Variants in EIF3B observed in about 807,000 individuals in gnomAD.
EIF3B encodes eukaryotic translation initiation factor 3 subunit 9.
Under a neutral mutation model 104.6 loss-of-function variants are expected in EIF3B, and 10 were observed. The ratio of observed to expected loss-of-function variants is 0.10; its 90% CI spans 0.06 to 0.16. The LOEUF is 0.16. Among genes scored for constraint, EIF3B ranks in the 10% least tolerant of loss-of-function variants. EIF3B has a pLI of 1.00. For missense variants in EIF3B, 1,014 were observed against 1,087.9 expected (o/e 0.93, Z 0.96); for synonymous variants, 542 against 417.2 (o/e 1.30, Z -3.65).
In EIF3B at chr7:2,359,146, A is replaced by ACTTTTGTGATAT. The variant is rs1779608497; in HGVS notation, c.500-1564_500-1563insCTTTTGTGATAT. Among the ~76,000 whole-genome samples the ACTTTTGTGATAT allele has an allele frequency of 2.0e-5, 3 of 152,324 alleles. No homozygotes were observed. In the South Asian group the frequency reaches 6.2e-4, roughly 32 times the overall value. On this transcript the variant is annotated intron_variant, in intron 1 of 18. Coordinates refer to ENST00000360876, the MANE Select transcript of EIF3B (RefSeq NM_001037283.2). ...TCTCTGCCCTGATAGTGTTTTTCAA[A>ACTTTTGTGATAT]AAGGCTCTTTGTGATATAATTAAGA... is the stretch of plus-strand genomic sequence containing the variant.
intron 1 of EIF3B, among the ~76,000 whole-genome samples, chr7:2,357,235 T>G (rs1472304248): frequency 6.6e-6 from 1 of 152,126 alleles, no homozygotes; most frequent in Non-Finnish European, 1.5e-5. Flanking sequence ...GACGACAGGG[T>G]TGGCCAGGCT....
chr7:2,358,366 G>A (rs1374887834), intron 1 of EIF3B, among the ~76,000 whole-genome samples: 1 of 152,100 alleles, frequency 6.6e-6, no homozygotes, highest in African/African-American at 2.4e-5. Context: ...TTACAGGCGT[G>A]AGCCACCATG....
At position 2,362,738 on chromosome 7, in the gene EIF3B, G is replaced by T; in HGVS notation, c.786G>T (p.Arg262=). The change falls in exon 3 of 19, where the codon CGG becomes CGT. Residue 262 remains arginine (R), a synonymous_variant. Coordinates refer to ENST00000360876, the MANE Select transcript of EIF3B (RefSeq NM_001037283.2). ...AGCTTGACAAGCAGCACACATTCCG[G>T]GTCAACCTCTTTACGGATTTTGACA... ...GYKLDKQHTF[R]VNLFTDFDKY... is the part of the protein sequence containing the mutation. 1 of 1,614,156 alleles carries T rather than the reference G, an allele frequency of 6.2e-7. No individual in the cohort carries two copies. Among genetic ancestry groups the T allele is most frequent in the Non-Finnish European group, 8.5e-7 (1 of 1,180,036 alleles).
At position 2,380,571 on chromosome 7, in the gene EIF3B, C is replaced by T; in HGVS notation, c.*382C>T. 1 of 363,550 alleles carries T rather than the reference C, an allele frequency of 2.8e-6. No homozygotes were observed. The highest frequency in any genetic ancestry group is 5.5e-6 in the Non-Finnish European group (1 of 183,102). The allele number at this position is 363,550 out of a possible 1,614,324, so 22.5% of individuals were successfully genotyped here. ...CAGTGATGTTTCCACGGTGCCTGTA[C>T]ACAGCCGAGCAGCATTTCCGTTGAA... On this transcript the variant is annotated 3_prime_UTR_variant, in exon 19 of 19. Transcript: ENST00000360876.
intron 1 of EIF3B, among the ~76,000 whole-genome samples, chr7:2,357,835 T>G (rs528493435): frequency 6.6e-6 from 1 of 152,154 alleles, no homozygotes; most frequent in South Asian, 2.1e-4. Context: ...GCTTTGAGCT[T>G]GTGGGAAGGA....
intron 16 of EIF3B, 71 bp from the exon 17 acceptor site, chr7:2,379,063 G>T (rs1780850776): frequency 7.5e-7 from 1 of 1,338,220 alleles, no homozygotes; most frequent in South Asian, 1.2e-5. Context: ...CCGTCCGCCT[G>T]GGTGTGGGCT....
rs1780026536 is a variant in EIF3B, at chr7:2,366,337, C to G, written c.1178C>G (p.Pro393Arg). ...PCERYLVTFS[P>R]LMDTQDDPQA... is the part of the protein sequence containing the mutation. ...TCTAGGTACCTGGTGACCTTTAGCC[C>G]CCTGATGGACACGCAGGATGACCCT... The change falls in exon 7 of 19, where the codon CCC becomes CGC. Residue 393 changes from proline to arginine, a missense_variant. This residue lies in a region of EIF3B where 201 missense variants were observed against 240.7 expected (regional missense o/e 0.83). Transcript: ENST00000360876. The G allele has an allele frequency of 6.2e-7, 1 of 1,611,246 alleles. No homozygotes were observed. Among genetic ancestry groups the G allele is most frequent in the Non-Finnish European group, 8.5e-7 (1 of 1,178,790 alleles).
At chr7:2,357,855 TTG>T (rs1174312289) in intron 1 of EIF3B, among the ~76,000 whole-genome samples, 1 of 152,110 alleles carries the variant, frequency 6.6e-6, no homozygotes, top group Non-Finnish European at 1.5e-5. Context: ...AGTACCCAAT[TTG>T]TGTAAAAGTT....
chr7:2,372,337 C>A, intron 11 of EIF3B: 1 of 264,074 alleles, frequency 3.8e-6, no homozygotes, highest in Non-Finnish European at 7.2e-6. Flanking sequence ...GCAGGGAGAC[C>A]GGAGGTCAGG....
chr7:2,366,196 AGT>A, intron 6 of EIF3B, 119 bp from the exon 7 acceptor site: 1 of 1,026,958 alleles, frequency 9.7e-7, no homozygotes, highest in Non-Finnish European at 1.4e-6. Context: ...GGGGCCGGGC[AGT>A]GTGGGGTTTG....
At position 2,355,181 on chromosome 7, in the gene EIF3B, C is replaced by T. The variant is rs1478764674; in HGVS notation, c.260C>T (p.Pro87Leu). 1 of 1,467,250 alleles carries T rather than the reference C, an allele frequency of 6.8e-7. No individual in the cohort carries two copies. Among genetic ancestry groups the T allele is most frequent in the African/African-American group, 1.5e-5 (1 of 67,812 alleles). 90.9% of individuals were successfully genotyped at this position (1,467,250 alleles called of 1,614,324 possible). Residue 87 changes from proline to leucine, a missense_variant, in exon 1 of 19, where the codon CCG becomes CTG. Coordinates refer to ENST00000360876, the MANE Select transcript of EIF3B (RefSeq NM_001037283.2). The stretch of plus-strand genomic sequence containing the variant: ...GGCCCGTCCGAGTCGCCCTCGCCGC[C>T]GGCCGCCGAGGAGCTGCCCGGGTCG... The part of the protein sequence containing the change: ...ASGPSESPSP[P>L]AAEELPGSHA...
rs1425754466 is a variant in EIF3B at position 2,354,860 on chromosome 7, C to A, written c.-62C>A. Reference sequence around the variant, plus strand: ...GCTGTAGCCGTCGCGGCGCGCGGTGCGGCCTGGGAGAGTCGGAAGCGCGGC... The same window carrying A: ...GCTGTAGCCGTCGCGGCGCGCGGTGAGGCCTGGGAGAGTCGGAAGCGCGGC... On this transcript the variant is annotated 5_prime_UTR_variant, in exon 1 of 19. Coordinates refer to ENST00000360876, the MANE Select transcript of EIF3B (RefSeq NM_001037283.2). 4 of 1,082,592 alleles carry A rather than the reference C, an allele frequency of 3.7e-6. No homozygotes were observed. Among genetic ancestry groups the A allele is most frequent in the Middle Eastern group, 8.4e-4 (2 of 2,382 alleles). The allele number at this position is 1,082,592 out of a possible 1,614,324, so 67.1% of individuals were successfully genotyped here.
At position 2,379,126 on chromosome 7, in the gene EIF3B, A is replaced by G; in HGVS notation, c.2233-8A>G. The G allele has an allele frequency of 6.2e-7, 1 of 1,613,136 alleles. No individual in the cohort carries two copies. The highest frequency in any genetic ancestry group is 8.5e-7 in the Non-Finnish European group (1 of 1,179,482). Reference sequence around the variant, plus strand: ...CCAGTTCTGTGCTTTCCCCAACCTCATGCATAGGAATTGGTGGAGAGAAGG... The same window carrying G: ...CCAGTTCTGTGCTTTCCCCAACCTCGTGCATAGGAATTGGTGGAGAGAAGG... On this transcript the variant is annotated splice_region_variant and splice_polypyrimidine_tract_variant and intron_variant, in intron 16 of 18. Transcript: ENST00000360876.
intron 15 of EIF3B, chr7:2,378,010 G>T (rs866029483): frequency 3.8e-3 from 118 of 31,354 alleles, no homozygotes; most frequent in Admixed American, 7.3e-3. Context: ...CTCCTGGGAT[G>T]CTGTGTTCTG....
rs1427265896 is a variant in EIF3B at position 2,354,950 on chromosome 7, C to T, written c.29C>T (p.Pro10Leu). Residue 10 changes from proline to leucine, a missense_variant, in exon 1 of 19, where the codon CCC (proline) becomes CTC (leucine). Pro to Leu is a moderately conservative substitution (Grantham distance 98). Transcript: ENST00000360876. ...CAGGACGCGGAGAACGTGGCGGTGC[C>T]CGAGGCGGCCGAGGAGCGCGCCGAG... MQDAENVAV[P>L]EAAEERAEPG... 6 of 1,224,918 alleles carry T rather than the reference C, an allele frequency of 4.9e-6. No individual in the cohort carries two copies. Among genetic ancestry groups the T allele is most frequent in the Middle Eastern group, 3.3e-4 (1 of 3,022 alleles). The allele number at this position is 1,224,918 out of a possible 1,614,324, so 75.9% of individuals were successfully genotyped here. A position where few individuals can be genotyped will look rare whatever the true frequency, so the allele number is the denominator to read the frequency against.
At position 2,380,184 on chromosome 7, in the gene EIF3B, C is replaced by T. The variant is rs944294300; in HGVS notation, c.*15-20C>T. 3.4e-5 allele frequency: 12 copies of T among 354,286 alleles called. No individual in the cohort carries two copies. Among genetic ancestry groups the T allele is most frequent in the Admixed American group, 1.1e-4 (3 of 28,236 alleles). The allele number at this position is 354,286 out of a possible 1,614,324, so 21.9% of individuals were successfully genotyped here. A position where few individuals can be genotyped will look rare whatever the true frequency, so the allele number is the denominator to read the frequency against. On this transcript the variant is annotated intron_variant, in intron 18 of 18. Coordinates refer to ENST00000360876, the MANE Select transcript of EIF3B (RefSeq NM_001037283.2). ...CTTTTGAGGTGGTGCCGTTTAGGGC[C>T]GCCATGCCTGTCTATCCAGGGGACG...
chr7:2,363,221 G>C lies in EIF3B; in HGVS notation c.870+94G>C. 4 of 1,290,544 alleles carry C rather than the reference G, an allele frequency of 3.1e-6. No homozygotes were observed. In the East Asian group the frequency reaches 6.9e-5, roughly 22 times the overall value. The allele number at this position is 1,290,544 out of a possible 1,614,324, so 79.9% of individuals were successfully genotyped here. ...CAATCCCAGCACTTAGGGAGGCTGA[G>C]GTGGGAGGATCGCTTAAGCCCAGGA... On this transcript the variant is annotated intron_variant, in intron 4 of 18. Coordinates refer to ENST00000360876, the MANE Select transcript of EIF3B (RefSeq NM_001037283.2).
intron 2 of EIF3B, 94 bp from the exon 3 acceptor site, chr7:2,362,551 C>T (rs1207918510): frequency 1.3e-6 from 2 of 1,514,294 alleles, no homozygotes; most frequent in Non-Finnish European, 1.8e-6. Context: ...ACTCCTGGCA[C>T]CGAGGGCTTG....
At chr7:2,375,628 C>G in intron 14 of EIF3B, 101 bp downstream of exon 14, 1 of 1,534,760 alleles carries the variant, frequency 6.5e-7, no homozygotes, top group Non-Finnish European at 8.9e-7. Flanking sequence ...GAAGGGGCAC[C>G]AAGCCTCTGT....
Sources: allele counts gnomAD v4.1 joint callset (sites outside exome capture counted in the v4.1 genomes callset), GRCh38; gene constraint gnomAD v4.1.1; regional missense constraint gnomAD v4.1.1; transcripts MANE v1.5; gene names NCBI Gene and HGNC (gene_info 2026-07-23, HGNC 2026-07-21).